Variants in PAK1 observed in about 807,000 individuals in gnomAD.
The protein encoded by PAK1 is serine/threonine-protein kinase PAK 1.
Under a neutral mutation model 67.4 loss-of-function variants are expected in PAK1, and 29 were observed. The observed-to-expected ratio is 0.43, with a 90% CI of 0.32 to 0.59. The LOEUF (loss-of-function observed/expected upper bound fraction) is 0.59. PAK1 is among the 20% of genes least tolerant of loss of function. PAK1 has a pLI of 0.07. For synonymous variants in PAK1, 223 were observed against 237.4 expected (o/e 0.94, Z 0.56); for missense variants, 337 against 670.7 (o/e 0.50, Z 5.50).
the PAK1 span, among the ~76,000 whole-genome samples, chr11:77,525,493 A>G: frequency 2.0e-5 from 3 of 152,220 alleles, no homozygotes; most frequent in Non-Finnish European, 4.4e-5. Flanking sequence ...ACATGCAGCC[A>G]GGGAGCAACT....
rs778138693 is a variant in PAK1 at position 77,353,502 on chromosome 11, C to G, written c.836+34G>C. On this transcript the variant is annotated intron_variant, in intron 8 of 14. Transcript: ENST00000356341. ...TATGCCGGCACACACACTTTAAAGT[C>G]ATTTCTCCAGGGAAAGAAAATGCCC... is the stretch of plus-strand genomic sequence containing the variant. 2.7e-6 allele frequency: 4 copies of G among 1,494,202 alleles called. No homozygotes were observed. The South Asian group carries it at 4.5e-5, about 17-fold the overall frequency. 92.6% of individuals were successfully genotyped at this position (1,494,202 alleles called of 1,614,324 possible).
At chr11:77,375,879 T>C (rs1949022048) in intron 4 of PAK1, among the ~76,000 whole-genome samples, 1 of 152,112 alleles carries the variant, frequency 6.6e-6, no homozygotes, top group African/African-American at 2.4e-5. Flanking sequence ...ACAATTCCAA[T>C]TCCATCATGT....
At chr11:77,514,171 T>C in the PAK1 span, among the ~76,000 whole-genome samples, 2 of 152,110 alleles carry the variant, frequency 1.3e-5, no homozygotes, top group African/African-American at 4.8e-5. Context: ...CCCTTTAAGC[T>C]TCAGGACAAA....
chr11:77,428,065 C>T (rs552105760), intron 1 of PAK1, among the ~76,000 whole-genome samples: 2 of 152,306 alleles, frequency 1.3e-5, no homozygotes, highest in East Asian at 3.9e-4. Context: ...CGAAAGGTAC[C>T]TTTGGGTCAG....
chr11:77,416,022 A>G (rs683455), intron 1 of PAK1, among the ~76,000 whole-genome samples: 31,917 of 146,238 alleles, frequency 0.22, 4,493 homozygotes, highest in Non-Finnish European at 0.31. Context: ...TCCGTCACCC[A>G]GGCAGGAGTG....
In PAK1 at chr11:77,322,776, C is replaced by A; in HGVS notation, c.*498G>T. ...CCAGGAAGCTGAGCCTCTTCATGTC[C>A]CTGGCAGATTATCAAACCCCATGGC... On this transcript the variant is annotated 3_prime_UTR_variant, in exon 15 of 15. Coordinates refer to ENST00000356341, the MANE Select transcript of PAK1 (RefSeq NM_002576.5). 1 of 344,102 alleles carries A rather than the reference C, an allele frequency of 2.9e-6. No homozygotes were observed. Among genetic ancestry groups the A allele is most frequent in the East Asian group, 4.8e-5 (1 of 20,770 alleles). The allele number at this position is 344,102 out of a possible 1,614,324, so 21.3% of individuals were successfully genotyped here.
intron 1 of PAK1, among the ~76,000 whole-genome samples, chr11:77,466,460 G>T (rs552463386): frequency 6.6e-6 from 1 of 152,014 alleles, no homozygotes; most frequent in African/African-American, 2.4e-5. Context: ...AAAATTAGCC[G>T]GGCATGGTGG....
chr11:77,496,296 A>G, the PAK1 span, among the ~76,000 whole-genome samples: 130 of 152,262 alleles, frequency 8.5e-4, no homozygotes, highest in African/African-American at 3.0e-3. Context: ...GATTACAGGC[A>G]TGAGCCACCA....
intron 1 of PAK1, among the ~76,000 whole-genome samples, chr11:77,402,758 A>G (rs1952889873): frequency 6.6e-6 from 1 of 152,190 alleles, no homozygotes; most frequent in Admixed American, 6.5e-5. Context: ...TGCTGCCTCA[A>G]TGGAAAAGTT....
chr11:77,510,772 T>G, the PAK1 span, among the ~76,000 whole-genome samples: 8 of 152,252 alleles, frequency 5.3e-5, no homozygotes, highest in African/African-American at 1.9e-4. Context: ...CTGTGAGGTC[T>G]TCCCTTTTCA....
At chr11:77,348,466 C>T (rs1159280925) in intron 9 of PAK1, among the ~76,000 whole-genome samples, 2 of 152,118 alleles carry the variant, frequency 1.3e-5, no homozygotes, top group Non-Finnish European at 2.9e-5. Context: ...CAAAAAGCTG[C>T]CTCCAAATAA....
Position 77,343,858 on chromosome 11 carries a change from C to T in PAK1, c.959G>A (p.Arg320Lys), listed in dbSNP as rs906897096. 2.5e-6 allele frequency: 4 copies of T among 1,613,172 alleles called. No individual in the cohort carries two copies. Among genetic ancestry groups the T allele is most frequent in the Non-Finnish European group, 3.4e-6 (4 of 1,179,170 alleles). The change falls in exon 10 of 15, where the codon AGG becomes AAG. Residue 320 changes from arginine to lysine, a missense_variant. This residue lies in a region of PAK1 where 18 missense variants were observed against 45.2 expected (regional missense o/e 0.40). Coordinates refer to ENST00000356341, the MANE Select transcript of PAK1 (RefSeq NM_002576.5). ...ELIINEILVM[R>K]ENKNPNIVNY... ...CACAATGTTTGGGTTCTTGTTTTCCCTCATGACCAGGATCTCATTAATAAT... is the reference window on the plus strand; with the variant it reads ...CACAATGTTTGGGTTCTTGTTTTCCTTCATGACCAGGATCTCATTAATAAT...
At chr11:77,399,521 G>A (rs1360619491) in intron 1 of PAK1, among the ~76,000 whole-genome samples, 2 of 152,136 alleles carry the variant, frequency 1.3e-5, no homozygotes, top group Non-Finnish European at 2.9e-5. Context: ...AGTACTCAGG[G>A]AGAAGTATAT....
At chr11:77,501,839 T>C in the PAK1 span, among the ~76,000 whole-genome samples, 35 of 152,366 alleles carry the variant, frequency 2.3e-4, no homozygotes, top group Non-Finnish European at 4.7e-4. Flanking sequence ...ACCTGGGTTT[T>C]CTTTGGTCTA....
upstream of PAK1, among the ~76,000 whole-genome samples, chr11:77,477,201 T>C (rs1406578561): frequency 1.3e-5 from 2 of 152,122 alleles, no homozygotes; most frequent in African/African-American, 2.4e-5. Context: ...GTAGGATAAG[T>C]GTATACAGTA....
At chr11:77,444,793 G>A (rs1476835614) in intron 1 of PAK1, among the ~76,000 whole-genome samples, 6 of 152,074 alleles carry the variant, frequency 3.9e-5, no homozygotes, top group African/African-American at 1.2e-4. Context: ...CCTGTTTGGG[G>A]GATCTCAAAA....
rs112009125 is a variant in PAK1, at chr11:77,435,290, G to T, written c.-22+38262C>A. Among the ~76,000 whole-genome samples the T allele has an allele frequency of 2.6e-3, 400 of 152,212 alleles. 1 individual carries two copies. Among genetic ancestry groups the T allele is most frequent in the African/African-American group, 9.1e-3 (378 of 41,544 alleles). On this transcript the variant is annotated intron_variant, in intron 1 of 14. Coordinates refer to ENST00000356341, the MANE Select transcript of PAK1 (RefSeq NM_002576.5). ...GGTAGAATGGCAAGAATACCCACTG[G>T]ACTTAAAGGGTCAGTCAAGTTGAGG...
At position 77,473,774 on chromosome 11, in the gene PAK1, G is replaced by T. The variant is rs1262825230; in HGVS notation, c.-244C>A. The stretch of plus-strand genomic sequence containing the variant: ...GGGAGCGAGGCGACGCGGGCGGGGG[G>T]GGAAGGGGGGACTGAGGGGCGAGGT... On this transcript the variant is annotated 5_prime_UTR_variant, in exon 1 of 15. Coordinates refer to ENST00000356341, the MANE Select transcript of PAK1 (RefSeq NM_002576.5). 1 of 151,638 alleles carries T rather than the reference G, an allele frequency of 6.6e-6. No homozygotes were observed. Among genetic ancestry groups the T allele is most frequent in the African/African-American group, 2.4e-5 (1 of 41,236 alleles). The allele number at this position is 151,638 out of a possible 1,614,324, so 9.4% of individuals were successfully genotyped here.
At chr11:77,424,215 T>TTCAG (rs1260088027) in intron 1 of PAK1, among the ~76,000 whole-genome samples, 1 of 152,186 alleles carries the variant, frequency 6.6e-6, no homozygotes, top group Non-Finnish European at 1.5e-5. Context: ...GAACCCAACC[T>TTCAG]TGCAGGGGAT....
Sources: allele counts gnomAD v4.1 joint callset (sites outside exome capture counted in the v4.1 genomes callset), GRCh38; gene constraint gnomAD v4.1.1; regional missense constraint gnomAD v4.1.1; transcripts MANE v1.5; gene names NCBI Gene and HGNC (gene_info 2026-07-23, HGNC 2026-07-21).